TBC1D1: variants seen among roughly 807,000 people sequenced by gnomAD.
TBC1D1 encodes the protein TBC1 (tre-2/USP6, BUB2, cdc16) domain family, member 1.
TBC1D1 carries 89 observed loss-of-function variants against 125.6 expected under a neutral mutation model. The observed-to-expected ratio is 0.71, with a 90% confidence interval of 0.60 to 0.85. The LOEUF (loss-of-function observed/expected upper bound fraction) is 0.85, where lower values mean the gene tolerates loss of function less well. Among genes scored for constraint, TBC1D1 ranks in the 40% least tolerant of loss-of-function variants. The probability of loss-of-function intolerance (pLI) is 0.00; values close to 1 mark genes in which losing one functional copy is unlikely to be tolerated. For missense variants in TBC1D1, 1,377 were observed against 1,469.2 expected (o/e 0.94, Z 1.03); for synonymous variants, 565 against 564.1 (o/e 1.00, Z -0.02).
chr4:38,062,001 C>T (rs970542345), intron 12 of TBC1D1, among the ~76,000 whole-genome samples: 2 of 152,144 alleles, frequency 1.3e-5, no homozygotes, highest in Non-Finnish European at 1.5e-5. Context: ...ATCTGTGCAC[C>T]AAAAGCACCT....
At chr4:37,936,835 T>C (rs1165106891) in intron 2 of TBC1D1, among the ~76,000 whole-genome samples, 1 of 152,182 alleles carries the variant, frequency 6.6e-6, no homozygotes, top group Non-Finnish European at 1.5e-5. Flanking sequence ...TCTCAACACA[T>C]AGTAAGCAGC....
intron 2 of TBC1D1, chr4:37,961,014 G>T: frequency 6.2e-7 from 1 of 1,614,162 alleles, no homozygotes; most frequent in Non-Finnish European, 8.5e-7. Flanking sequence ...ATGTTGAATT[G>T]CCAGCTGTTT....
intron 15 of TBC1D1, among the ~76,000 whole-genome samples, chr4:38,108,389 G>A (rs1382442320): frequency 6.6e-6 from 1 of 152,238 alleles, no homozygotes; most frequent in Admixed American, 6.5e-5. Context: ...AAACCCAGGA[G>A]CACCATTAGA....
At chr4:38,035,784 T>C in intron 8 of TBC1D1, 86 bp downstream of exon 8, 7 of 972,556 alleles carry the variant, frequency 7.2e-6, no homozygotes, top group Non-Finnish European at 1.1e-5. Flanking sequence ...TCTGAAACTC[T>C]GATACCTTTT....
chr4:37,936,438 G>A (rs773556577), intron 2 of TBC1D1, among the ~76,000 whole-genome samples: 8 of 152,176 alleles, frequency 5.3e-5, no homozygotes, highest in Non-Finnish European at 1.0e-4. Context: ...CTCTGTTGCT[G>A]CACTGGAATC....
chr4:37,918,604 C>T (rs1443649160), intron 2 of TBC1D1, among the ~76,000 whole-genome samples: 1 of 152,060 alleles, frequency 6.6e-6, no homozygotes. Flanking sequence ...TGCGCCACCA[C>T]GCCTGGCTAA....
At chr4:38,119,636 T>G (rs749128400) in intron 17 of TBC1D1, among the ~76,000 whole-genome samples, 10 of 152,236 alleles carry the variant, frequency 6.6e-5, no homozygotes, top group Non-Finnish European at 1.2e-4. Context: ...ATAACTTCTA[T>G]GTTTTTGACT....
intron 4 of TBC1D1, 148 bp downstream of exon 4, chr4:38,018,591 T>G: frequency 1.9e-6 from 1 of 534,326 alleles, no homozygotes. Context: ...TCTTCTTTGC[T>G]TTGGTATGTT....
intron 19 of TBC1D1, among the ~76,000 whole-genome samples, chr4:38,135,630 G>A (rs780608296): frequency 3.9e-5 from 6 of 152,180 alleles, no homozygotes; most frequent in African/African-American, 7.2e-5. Flanking sequence ...CCCTGACGAT[G>A]GGTGGATTTT....
rs1750367169 is a variant in TBC1D1 at position 38,050,726 on chromosome 4, T to C, written c.1910+828T>C. 2.0e-5 allele frequency among the ~76,000 whole-genome samples: 3 copies of C among 152,360 alleles called. No individual in the cohort carries two copies. In the South Asian group the frequency reaches 6.2e-4, roughly 32 times the overall value. On this transcript the variant is annotated intron_variant, in intron 11 of 19. Coordinates refer to ENST00000261439, the MANE Select transcript of TBC1D1 (RefSeq NM_015173.4). ...GCAGCCGCAGAAGTCCCAGGACCTA[T>C]GTGTTCGTGTAGTTCATACACGGAT...
chr4:38,033,602 G>A (rs901684285), intron 7 of TBC1D1, among the ~76,000 whole-genome samples: 1 of 152,174 alleles, frequency 6.6e-6, no homozygotes, highest in East Asian at 1.9e-4. Context: ...CACTGTTGGT[G>A]TTCTGTATTC....
chr4:38,020,543 G>A, intron 4 of TBC1D1, 48 bp from the exon 5 acceptor site: 1 of 1,457,772 alleles, frequency 6.9e-7, no homozygotes, highest in South Asian at 1.1e-5. Flanking sequence ...TCTGAGGATG[G>A]TGCGTCTTCT....
chr4:37,907,560 C>T (rs1246861420), intron 2 of TBC1D1, among the ~76,000 whole-genome samples: 1 of 152,128 alleles, frequency 6.6e-6, no homozygotes, highest in Non-Finnish European at 1.5e-5. Context: ...TACATTTTCT[C>T]CTAACACCCA....
intron 2 of TBC1D1, among the ~76,000 whole-genome samples, chr4:37,957,038 G>C (rs148542176): frequency 6.6e-6 from 1 of 151,868 alleles, no homozygotes; most frequent in Non-Finnish European, 1.5e-5. Context: ...ACTCCTATCC[G>C]GTCTTTGGGA....
chr4:38,125,162 T>C, intron 18 of TBC1D1, 31 bp downstream of exon 20: 1 of 1,604,308 alleles, frequency 6.2e-7, no homozygotes, highest in African/African-American at 1.3e-5. Context: ...TGCAAATGCT[T>C]AAGCCATCCT....
intron 19 of TBC1D1, among the ~76,000 whole-genome samples, chr4:38,135,911 CGTGTGTGTGTAT>C (rs1766481015): frequency 7.7e-6 from 1 of 129,850 alleles, no homozygotes; most frequent in African/African-American, 3.0e-5. Flanking sequence ...TGTATATATA[CGTGTGTGTGTAT>C]ATGTGTGTGT....
intron 2 of TBC1D1, among the ~76,000 whole-genome samples, chr4:37,921,581 AT>A (rs967776162): frequency 7.0e-4 from 100 of 142,470 alleles, no homozygotes; most frequent in Admixed American, 7.1e-4. Flanking sequence ...TAATTTTTGT[AT>A]TTTTTTTTTT....
At position 38,014,725 on chromosome 4, in the gene TBC1D1, C is replaced by CCCCGCCCCAA; in HGVS notation, c.644_653dup (p.His218GlnfsTer33). 6.3e-7 allele frequency: 1 copy of CCCCGCCCCAA among 1,596,698 alleles called. No individual in the cohort carries two copies. The highest frequency in any genetic ancestry group is 8.6e-7 in the Non-Finnish European group (1 of 1,166,486). On this transcript the variant is annotated frameshift_variant, in exon 3 of 20. Transcript: ENST00000261439. LOFTEE classifies it high-confidence loss of function. The surrounding 1 kb of genome is among the most constrained non-coding windows in gnomAD (Gnocchi z 5.1). ...CAGCGGCAGCCGGGGGTCCGAGAGC[C>CCCCGCCCCAA]CCCGCCCCAACCCGCCCCATGCCGC...
chr4:38,053,179 G>C, intron 11 of TBC1D1: 1 of 1,533,598 alleles, frequency 6.5e-7, no homozygotes, highest in South Asian at 1.2e-5. Context: ...AAAATTTCTG[G>C]CTCCTGTAGA....
Sources: allele counts gnomAD v4.1 joint callset (sites outside exome capture counted in the v4.1 genomes callset), GRCh38; gene constraint gnomAD v4.1.1; non-coding constraint Gnocchi (gnomAD v3.1); transcripts MANE v1.5; gene names NCBI Gene and HGNC (gene_info 2026-07-23, HGNC 2026-07-21).